The following DIP2A variants were observed in gnomAD, a reference collection of about 807,000 sequenced individuals.
DIP2A encodes DIP2 acetate--CoA ligase A.
DIP2A carries 85 observed loss-of-function variants against 177.4 expected under a neutral mutation model. That is an observed-to-expected ratio of 0.48 (90% CI 0.40 to 0.57). The LOEUF (loss-of-function observed/expected upper bound fraction) is 0.57, where lower values mean the gene tolerates loss of function less well. DIP2A is among the 20% of genes least tolerant of loss of function. DIP2A has a pLI of 0.00. For synonymous variants in DIP2A, 886 were observed against 881.8 expected (o/e 1.00, Z -0.08); for missense variants, 1,791 against 2,100.2 (o/e 0.85, Z 2.88).
intron 13 of DIP2A, among the ~76,000 whole-genome samples, chr21:46,536,160 TGGTGCAACAGCATTTCCTG>T (rs1046957342): frequency 2.0e-5 from 3 of 152,254 alleles, no homozygotes; most frequent in Admixed American, 2.0e-4. Context: ...CTGTTATTCA[TGGTGCAACAGCATTTCCTG>T]GCACACAAAT....
chr21:46,576,119 A>C, the DIP2A span, among the ~76,000 whole-genome samples: 1 of 152,174 alleles, frequency 6.6e-6, no homozygotes, highest in Admixed American at 6.5e-5. Context: ...GTGACCCCCG[A>C]TGGCAATTTT....
In DIP2A at chr21:46,472,812, G is replaced by A. The variant is rs566299707; in HGVS notation, c.92-11945G>A. ...CTCCCTGTAGCTGGTTGGGTGTTGT[G>A]GATGTGTGAGGTGACCAAGAGTAAG... On this transcript the variant is annotated intron_variant, in intron 1 of 37. Transcript: ENST00000417564. Among the ~76,000 whole-genome samples, 24 of 152,260 alleles carry A rather than the reference G, an allele frequency of 1.6e-4. 1 individual carries two copies. In the South Asian group the frequency reaches 5.0e-3, roughly 32 times the overall value.
At chr21:46,526,397 C>CTT (rs1357295827) in intron 8 of DIP2A, among the ~76,000 whole-genome samples, 105 of 139,026 alleles carry the variant, frequency 7.6e-4, no homozygotes, top group African/African-American at 2.2e-3. Context: ...ACGTTCATTC[C>CTT]TTTTTTTTTT....
chr21:46,541,974 G>A (rs973755185), intron 18 of DIP2A, 79 bp downstream of exon 18: 35 of 1,571,752 alleles, frequency 2.2e-5, no homozygotes, highest in Middle Eastern at 3.6e-4. Context: ...TTTTGAGACG[G>A]AGTCTTGCTT....
chr21:46,458,984 TG>T lies in DIP2A; in HGVS notation c.-146del. Reference sequence around the variant, plus strand: ...TGCCCGCGCGGGTGCGTTGCTGTCCTGGCCGCGCCCCTGTCCCGCCGCCTCC... The same window carrying T: ...TGCCCGCGCGGGTGCGTTGCTGTCCTGCCGCGCCCCTGTCCCGCCGCCTCC... On this transcript the variant is annotated 5_prime_UTR_variant, in exon 1 of 38. Coordinates refer to ENST00000417564, the MANE Select transcript of DIP2A (RefSeq NM_015151.4). 3 of 592,112 alleles carry T rather than the reference TG, an allele frequency of 5.1e-6. No individual in the cohort carries two copies. The highest frequency in any genetic ancestry group is 2.6e-6 in the Non-Finnish European group (1 of 385,060). 36.7% of individuals were successfully genotyped at this position (592,112 alleles called of 1,614,324 possible). A position where few individuals can be genotyped will look rare whatever the true frequency, so the allele number is the denominator to read the frequency against.
At chr21:46,575,475 A>G in the DIP2A span, among the ~76,000 whole-genome samples, 1 of 152,214 alleles carries the variant, frequency 6.6e-6, no homozygotes, top group Non-Finnish European at 1.5e-5. Context: ...AAACAATTCA[A>G]ATTATCTCTG....
At chr21:46,566,421 C>A in intron 36 of DIP2A, 139 bp from the exon 37 acceptor site, 2 of 1,141,846 alleles carry the variant, frequency 1.8e-6, no homozygotes, top group Non-Finnish European at 2.5e-6. Context: ...ACCCTTTCTG[C>A]ACGTGGTGTG....
chr21:46,513,716 C>T (rs2148643645), intron 8 of DIP2A, among the ~76,000 whole-genome samples: 1 of 152,208 alleles, frequency 6.6e-6, no homozygotes, highest in African/African-American at 2.4e-5. Flanking sequence ...ATCCAAAATG[C>T]TCTAAAATCT....
At chr21:46,477,543 T>TTTTTTGTGTGTGTGTGTG (rs374607636) in intron 1 of DIP2A, among the ~76,000 whole-genome samples, 8 of 87,094 alleles carry the variant, frequency 9.2e-5, no homozygotes, top group African/African-American at 2.6e-4. Flanking sequence ...AAAAAAAGAT[T>TTTTTTGTGTGTGTGTGTG]TGTGTGTGTG....
Position 46,501,989 on chromosome 21 carries a change from G to T in DIP2A, c.656-2372G>T, listed in dbSNP as rs1448763418. Among the ~76,000 whole-genome samples the T allele has an allele frequency of 2.0e-5, 3 of 152,172 alleles. No individual in the cohort carries two copies. The East Asian group carries it at 5.8e-4, about 29-fold the overall frequency. On this transcript the variant is annotated intron_variant, in intron 5 of 37. Transcript: ENST00000417564. ...ATTCTGCTATGCAGACAGTGAGTTT[G>T]TGCTTTCATATACTTCAGCTTTCTA...
At chr21:46,490,470 C>T (rs1413986222) in intron 2 of DIP2A, 130 bp from the exon 3 acceptor site, 3 of 1,145,590 alleles carry the variant, frequency 2.6e-6, no homozygotes, top group African/African-American at 3.2e-5. Context: ...CTATCACTGA[C>T]TTCCAGATTA....
chr21:46,484,952 G>A, intron 2 of DIP2A, 124 bp downstream of exon 2: 1 of 850,762 alleles, frequency 1.2e-6, no homozygotes, highest in Non-Finnish European at 1.7e-6. Flanking sequence ...ACTGGTATAT[G>A]TTGATTATTG....
In DIP2A at chr21:46,567,919, A is replaced by C. The variant is rs556093161; in HGVS notation, c.*297A>C. 3.0e-6 allele frequency: 1 copy of C among 333,498 alleles called. No homozygotes were observed. Among genetic ancestry groups the C allele is most frequent in the East Asian group, 5.0e-5 (1 of 19,984 alleles). 20.7% of individuals were successfully genotyped at this position (333,498 alleles called of 1,614,324 possible). On this transcript the variant is annotated 3_prime_UTR_variant, in exon 38 of 38. Coordinates refer to ENST00000417564, the MANE Select transcript of DIP2A (RefSeq NM_015151.4). ...GCATTGTGAGGAATCACAGGCACCG[A>C]GGTTGTTCTCTGCTGTACTGCAAGT...
chr21:46,550,078 T>A, intron 22 of DIP2A, 193 bp downstream of exon 22: 1 of 1,364,064 alleles, frequency 7.3e-7, no homozygotes, highest in Non-Finnish European at 9.6e-7. Flanking sequence ...TGTTATAATT[T>A]ATGAATACAA....
chr21:46,504,149 A>C (rs1353331088), intron 5 of DIP2A, among the ~76,000 whole-genome samples: 2 of 152,242 alleles, frequency 1.3e-5, no homozygotes, highest in South Asian at 4.1e-4. Context: ...TGAGCCACCC[A>C]CATGCACGCA....
At chr21:46,517,629 T>G (rs890700196) in intron 8 of DIP2A, among the ~76,000 whole-genome samples, 7 of 152,256 alleles carry the variant, frequency 4.6e-5, no homozygotes, top group African/African-American at 1.7e-4. Flanking sequence ...TCCTCGTGGC[T>G]TCTTAACAAC....
chr21:46,506,804 CTTT>C (rs56782646), intron 6 of DIP2A, among the ~76,000 whole-genome samples: 3 of 74,258 alleles, frequency 4.0e-5, no homozygotes, highest in Admixed American at 1.6e-4. Context: ...TCTTTCTTCT[CTTT>C]TTTTTTTTTT....
In DIP2A at chr21:46,556,896, T is replaced by C. The variant is rs776809483; in HGVS notation, c.3499-43T>C. On this transcript the variant is annotated intron_variant, in intron 29 of 37. Transcript: ENST00000417564. The surrounding 1 kb of genome is among the most constrained non-coding windows in gnomAD (Gnocchi z 4.5). The stretch of plus-strand genomic sequence containing the variant: ...GCCATCCACCCTCTCCCCTCCTGAA[T>C]TTCATTTCACTTTTTTTTTTTGAAC... 2 of 1,500,908 alleles carry C rather than the reference T, an allele frequency of 1.3e-6. No homozygotes were observed. The highest frequency in any genetic ancestry group is 1.8e-6 in the Non-Finnish European group (2 of 1,118,036). The allele number at this position is 1,500,908 out of a possible 1,614,324, so 93.0% of individuals were successfully genotyped here.
chr21:46,574,361 A>G (rs149071950), downstream of DIP2A, among the ~76,000 whole-genome samples: 305 of 152,304 alleles, frequency 2.0e-3, 1 homozygote, highest in African/African-American at 7.1e-3. Context: ...TTATAGCTAT[A>G]AATGCTTACA....
Sources: gnomAD v4.1 joint callset for allele counts (sites outside exome capture counted in the v4.1 genomes callset) on GRCh38, gnomAD v4.1.1 for gene constraint, Gnocchi (gnomAD v3.1) non-coding constraint, MANE v1.5 for transcripts, NCBI Gene and HGNC (gene_info 2026-07-23, HGNC 2026-07-21) for gene names.